Variants in TNNI1 observed in about 807,000 individuals in gnomAD.
TNNI1 encodes troponin I1, slow skeletal type.
A neutral mutation model predicts 26.7 loss-of-function variants in TNNI1; 14 were observed. That is an observed-to-expected ratio of 0.52 (90% CI 0.35 to 0.82). TNNI1 has a LOEUF of 0.82. Among genes scored for constraint, TNNI1 ranks in the 40% least tolerant of loss-of-function variants. The probability of loss-of-function intolerance (pLI) is 0.01; values close to 1 mark genes in which losing one functional copy is unlikely to be tolerated. For synonymous variants in TNNI1, 79 were observed against 98.2 expected (o/e 0.80, Z 1.16); for missense variants, 164 against 257.0 (o/e 0.64, Z 2.47).
At chr1:201,416,753 T>G (rs557402995) in intron 3 of TNNI1, among the ~76,000 whole-genome samples, 1 of 152,304 alleles carries the variant, frequency 6.6e-6, no homozygotes, top group African/African-American at 2.4e-5. Flanking sequence ...TTGCACAGGA[T>G]CAGCTCTGCA....
intron 5 of TNNI1, among the ~76,000 whole-genome samples, chr1:201,414,229 C>T (rs1416673167): frequency 6.6e-6 from 1 of 152,186 alleles, no homozygotes; most frequent in Non-Finnish European, 1.5e-5. Context: ...CAACCCCGGC[C>T]GCCTCCCCAC....
intron 6 of TNNI1, 123 bp downstream of exon 6, chr1:201,412,909 T>C: frequency 2.1e-6 from 2 of 937,120 alleles, no homozygotes; most frequent in Non-Finnish European, 3.4e-6. Context: ...AACCAAAGTT[T>C]CCTGCTTAAG....
intron 1 of TNNI1, 79 bp downstream of exon 1, chr1:201,421,594 G>A (rs150479339): frequency 1.3e-5 from 2 of 152,284 alleles, no homozygotes; most frequent in Admixed American, 6.5e-5. Flanking sequence ...CCAAGACCTC[G>A]CTTTCTCCTT....
At position 201,415,024 on chromosome 1, in the gene TNNI1, G is replaced by A. The variant is rs560215717; in HGVS notation, c.57+189C>T. Among the ~76,000 whole-genome samples the A allele has an allele frequency of 5.3e-5, 8 of 152,288 alleles. No homozygotes were observed. The East Asian group carries it at 9.7e-4, about 18-fold the overall frequency. The stretch of plus-strand genomic sequence containing the variant: ...CAGGCGGATGCCAGAATCCATACTC[G>A]AGGATCCCACCTACTGATCACCTGA... On this transcript the variant is annotated intron_variant, in intron 4 of 8. Coordinates refer to ENST00000361379, the MANE Select transcript of TNNI1 (RefSeq NM_003281.4).
intron 5 of TNNI1, among the ~76,000 whole-genome samples, chr1:201,414,225 C>T (rs190990342): frequency 1.9e-4 from 29 of 152,304 alleles, no homozygotes; most frequent in Middle Eastern, 3.4e-3. Flanking sequence ...CTCCCAACCC[C>T]GGCCGCCTCC....
At position 201,411,772 on chromosome 1, in the gene TNNI1, C is replaced by CTCCAGA. The variant is rs1662640343; in HGVS notation, c.280-240_280-239insTCTGGA. Among the ~76,000 whole-genome samples, 2 of 152,298 alleles carry CTCCAGA rather than the reference C, an allele frequency of 1.3e-5. No individual in the cohort carries two copies. Among genetic ancestry groups the CTCCAGA allele is most frequent in the South Asian group, 4.1e-4 (2 of 4,822 alleles). On this transcript the variant is annotated intron_variant, in intron 6 of 8. Coordinates refer to ENST00000361379, the MANE Select transcript of TNNI1 (RefSeq NM_003281.4). The surrounding 1 kb of genome is among the most constrained non-coding windows in gnomAD (Gnocchi z 4.6). ...AGGATGAAACTGTTCCACCTCAGAC[C>CTCCAGA]ATCAGGCATGAGTTTGATTCTCATA...
At chr1:201,420,519 C>T (rs1003677033) in intron 1 of TNNI1, among the ~76,000 whole-genome samples, 3 of 152,144 alleles carry the variant, frequency 2.0e-5, no homozygotes, top group Non-Finnish European at 4.4e-5. Flanking sequence ...AAGGGACTAT[C>T]CGCTAGACTA....
In TNNI1 at chr1:201,404,896, A is replaced by AC. The variant is rs1198739754; in HGVS notation, c.*4356dup. 1 of 152,374 alleles carries AC rather than the reference A, an allele frequency of 6.6e-6. No homozygotes were observed. Among genetic ancestry groups the AC allele is most frequent in the East Asian group, 1.9e-4 (1 of 5,200 alleles). 9.4% of individuals were successfully genotyped at this position (152,374 alleles called of 1,614,324 possible). On this transcript the variant is annotated 3_prime_UTR_variant, in exon 9 of 9. Coordinates refer to ENST00000361379, the MANE Select transcript of TNNI1 (RefSeq NM_003281.4). ...TTCTGATGAACAGGCACAAGCGTTC[A>AC]CACACACGCTCCTCCCCCAGGGGCT...
chr1:201,413,186 C>T, intron 5 of TNNI1, 65 bp from the exon 6 acceptor site: 1 of 1,570,880 alleles, frequency 6.4e-7, no homozygotes, highest in Non-Finnish European at 8.7e-7. Flanking sequence ...AGTTTCCAGC[C>T]CTTGACCCTC....
chr1:201,420,219 C>T (rs993046633), intron 1 of TNNI1, among the ~76,000 whole-genome samples: 1 of 152,234 alleles, frequency 6.6e-6, no homozygotes, highest in East Asian at 1.9e-4. Flanking sequence ...GCCTGCCTCA[C>T]TGACAAATGC....
intron 5 of TNNI1, among the ~76,000 whole-genome samples, chr1:201,413,455 A>G (rs2102371068): frequency 6.6e-6 from 1 of 152,114 alleles, no homozygotes; most frequent in African/African-American, 2.4e-5. Flanking sequence ...ACAAAAAACT[A>G]GTATCCTTGG....
rs1370658520 is a variant in TNNI1, at chr1:201,404,981, G to C, written c.*4272C>G. The C allele has an allele frequency of 1.3e-5, 2 of 152,344 alleles. No individual in the cohort carries two copies. The highest frequency in any genetic ancestry group is 2.9e-5 in the Non-Finnish European group (2 of 68,110). 9.4% of individuals were successfully genotyped at this position (152,344 alleles called of 1,614,324 possible). On this transcript the variant is annotated 3_prime_UTR_variant, in exon 9 of 9. Transcript: ENST00000361379. ...AAGCCATACCTCTCTCCTGAACCCA[G>C]GGCAAAGGGCCAGGCTCACCCAGCC... is the stretch of plus-strand genomic sequence containing the variant.
At chr1:201,413,909 C>T (rs1167478593) in intron 5 of TNNI1, among the ~76,000 whole-genome samples, 1 of 152,190 alleles carries the variant, frequency 6.6e-6, no homozygotes, top group African/African-American at 2.4e-5. Flanking sequence ...CCTCCTGCCT[C>T]CGCCTTTCAA....
At chr1:201,418,199 A>G (rs892146105) in intron 1 of TNNI1, among the ~76,000 whole-genome samples, 3 of 152,108 alleles carry the variant, frequency 2.0e-5, no homozygotes, top group Non-Finnish European at 4.4e-5. Flanking sequence ...AGCTGGGCGC[A>G]GTGGCTCATG....
Position 201,405,776 on chromosome 1 carries a change from G to T in TNNI1, c.*3477C>A, listed in dbSNP as rs995850531. 1 of 152,380 alleles carries T rather than the reference G, an allele frequency of 6.6e-6. No individual in the cohort carries two copies. Among genetic ancestry groups the T allele is most frequent in the African/African-American group, 2.4e-5 (1 of 41,426 alleles). 9.4% of individuals were successfully genotyped at this position (152,380 alleles called of 1,614,324 possible). On this transcript the variant is annotated 3_prime_UTR_variant, in exon 9 of 9. Transcript: ENST00000361379. ...TGGGAGCAACAGCTGGTCTCCCAAG[G>T]GCTCTGGGACAGGCAAGAGTGTAGC...
chr1:201,404,867 C>A lies in TNNI1; in HGVS notation c.*4386G>T, dbSNP rs1374082921. On this transcript the variant is annotated 3_prime_UTR_variant, in exon 9 of 9. Transcript: ENST00000361379. Reference sequence around the variant, plus strand: ...TGCCCACGCATACACACCATGCTCACCCCTTCTGATGAACAGGCACAAGCG... The same window carrying A: ...TGCCCACGCATACACACCATGCTCAACCCTTCTGATGAACAGGCACAAGCG... 1 of 152,314 alleles carries A rather than the reference C, an allele frequency of 6.6e-6. No homozygotes were observed. Among genetic ancestry groups the A allele is most frequent in the East Asian group, 1.9e-4 (1 of 5,196 alleles). The allele number at this position is 152,314 out of a possible 1,614,324, so 9.4% of individuals were successfully genotyped here. A position where few individuals can be genotyped will look rare whatever the true frequency, so the allele number is the denominator to read the frequency against.
intron 2 of TNNI1, among the ~76,000 whole-genome samples, chr1:201,417,536 G>T (rs1422985424): frequency 6.6e-6 from 1 of 152,156 alleles, no homozygotes; most frequent in Admixed American, 6.5e-5. Context: ...GATAGATCAA[G>T]ACAGGAAATC....
At position 201,414,544 on chromosome 1, in the gene TNNI1, G is replaced by T. The variant is rs545684730; in HGVS notation, c.163C>A (p.Arg55Ser). The T allele has an allele frequency of 1.9e-5, 31 of 1,608,026 alleles. No homozygotes were observed. The Admixed American group carries it at 2.5e-4, about 13-fold the overall frequency. ...TGCAGGGCACTGAGGGACAGGCCAC[G>T]GGTCTGCAGCGTGGGGATGCGCTCT... ...LAERIPTLQT[R>S]GLSLSALQDL... Residue 55 changes from arginine (R) to serine (S), a missense_variant, in exon 5 of 9, where the codon CGT becomes AGT. By Grantham distance (110) the Arg-to-Ser change is moderately radical. This residue lies in a region of TNNI1 where 117 missense variants were observed against 158.7 expected (regional missense o/e 0.74). Coordinates refer to ENST00000361379, the MANE Select transcript of TNNI1 (RefSeq NM_003281.4).
At chr1:201,412,957 C>T in intron 6 of TNNI1, 75 bp downstream of exon 6, 1 of 1,470,638 alleles carries the variant, frequency 6.8e-7, no homozygotes. Flanking sequence ...AGGGGACCTC[C>T]CATGGCTGCT....
Sources: gnomAD v4.1 joint callset for allele counts (sites outside exome capture counted in the v4.1 genomes callset) on GRCh38, gnomAD v4.1.1 for gene constraint, gnomAD v4.1.1 regional missense constraint, Gnocchi (gnomAD v3.1) non-coding constraint, MANE v1.5 for transcripts, NCBI Gene and HGNC (gene_info 2026-07-23, HGNC 2026-07-21) for gene names.